FSTL4: variants seen among roughly 807,000 people sequenced by gnomAD.
FSTL4 encodes the protein follistatin like 4.
A neutral mutation model predicts 78.2 loss-of-function variants in FSTL4; 28 were observed. The observed-to-expected ratio is 0.36, with a 90% CI of 0.27 to 0.49. FSTL4 has a LOEUF of 0.49. FSTL4 is among the 20% of genes least tolerant of loss of function. The pLI is 0.98. For missense variants in FSTL4, 922 were observed against 1,084.9 expected, an observed-to-expected ratio of 0.85 and a Z score of 2.11; for synonymous variants, 422 against 440.5, an observed-to-expected ratio of 0.96 and a Z score of 0.53.
chr5:133,570,079 G>A (rs1320174971), intron 2 of FSTL4, among the ~76,000 whole-genome samples: 2 of 151,596 alleles, frequency 1.3e-5, no homozygotes, highest in Admixed American at 6.6e-5. Flanking sequence ...CGTGGTGGTG[G>A]GCGCCTGTAG....
the FSTL4 span, among the ~76,000 whole-genome samples, chr5:133,827,935 G>A: frequency 8.5e-5 from 13 of 152,272 alleles, no homozygotes; most frequent in East Asian, 2.5e-3. Flanking sequence ...AGCCCCCTGG[G>A]CAGGAGAGAG....
chr5:133,481,412 C>A (rs572208569), intron 3 of FSTL4, among the ~76,000 whole-genome samples: 2 of 151,914 alleles, frequency 1.3e-5, no homozygotes, highest in African/African-American at 2.4e-5. Context: ...CATGGTGGCA[C>A]ACACCTATAG....
intron 4 of FSTL4, among the ~76,000 whole-genome samples, chr5:133,356,118 A>G (rs1754940471): frequency 6.6e-6 from 1 of 152,272 alleles, no homozygotes; most frequent in Non-Finnish European, 1.5e-5. Context: ...CTGTGCTGTA[A>G]GAAGTCCTGA....
chr5:133,382,701 A>G (rs1755602266), intron 4 of FSTL4, among the ~76,000 whole-genome samples: 1 of 152,128 alleles, frequency 6.6e-6, no homozygotes. Context: ...GACTGTCTCA[A>G]CTCTGCTAGG....
intron 3 of FSTL4, among the ~76,000 whole-genome samples, chr5:133,485,934 A>G (rs568000065): frequency 6.6e-6 from 1 of 152,238 alleles, no homozygotes; most frequent in East Asian, 1.9e-4. Flanking sequence ...GCAAATCCCA[A>G]TTTTCTCCAG....
the FSTL4 span, among the ~76,000 whole-genome samples, chr5:133,711,085 G>A: frequency 6.6e-6 from 1 of 152,206 alleles, no homozygotes; most frequent in Non-Finnish European, 1.5e-5. Context: ...TTCTCAGTCA[G>A]AGAATTTAAG....
At chr5:133,629,622 G>A in the FSTL4 span, among the ~76,000 whole-genome samples, 1 of 152,176 alleles carries the variant, frequency 6.6e-6, no homozygotes, top group Non-Finnish European at 1.5e-5. Context: ...TAGAAATAGA[G>A]GGACTCTTCC....
chr5:133,310,868 G>A lies in FSTL4; in HGVS notation c.727+1786C>T, dbSNP rs151307412. ...TTCCTGTAACCTGCCCTAGCTGCTC[G>A]AGCCTACTGTTGTTCATGTTCCATG... On this transcript the variant is annotated intron_variant, in intron 6 of 15. Coordinates refer to ENST00000265342, the MANE Select transcript of FSTL4 (RefSeq NM_015082.2). Among the ~76,000 whole-genome samples the A allele has an allele frequency of 4.2e-3, 632 of 152,234 alleles. 5 individuals are homozygous for A. Among genetic ancestry groups the A allele is most frequent in the African/African-American group, 0.015 (603 of 41,534 alleles).
At chr5:133,655,802 C>CT in the FSTL4 span, among the ~76,000 whole-genome samples, 1 of 152,156 alleles carries the variant, frequency 6.6e-6, no homozygotes, top group Non-Finnish European at 1.5e-5. Flanking sequence ...TTATGGAGTG[C>CT]TTACCTCATG....
chr5:133,541,754 C>G (rs963604810), intron 3 of FSTL4, among the ~76,000 whole-genome samples: 1 of 152,094 alleles, frequency 6.6e-6, no homozygotes, highest in African/African-American at 2.4e-5. Flanking sequence ...CTTTATTTTT[C>G]TGACACCAAA....
chr5:133,804,745 C>G, the FSTL4 span, among the ~76,000 whole-genome samples: 1 of 151,850 alleles, frequency 6.6e-6, no homozygotes, highest in East Asian at 1.9e-4. Flanking sequence ...GAGATCGAGA[C>G]CATCCTGGTT....
At chr5:133,201,702 C>A (rs1040714454) in intron 15 of FSTL4, among the ~76,000 whole-genome samples, 1 of 152,324 alleles carries the variant, frequency 6.6e-6, no homozygotes, top group Middle Eastern at 3.4e-3. Flanking sequence ...CCACTGAGGG[C>A]ATTAGGAGCT....
chr5:133,224,160 G>A (rs773804113), intron 11 of FSTL4, 30 bp downstream of exon 11: 33 of 1,597,326 alleles, frequency 2.1e-5, no homozygotes, highest in Admixed American at 3.3e-5. Context: ...CGTGATCACA[G>A]GCATGACGCA....
At chr5:133,275,707 C>A (rs1243000799) in intron 6 of FSTL4, 1 of 152,144 alleles carries the variant, frequency 6.6e-6, no homozygotes, top group African/African-American at 2.4e-5. Flanking sequence ...ATTCTCGTAA[C>A]AAAATACATA....
At chr5:133,238,280 C>T (rs187572210) in intron 7 of FSTL4, among the ~76,000 whole-genome samples, 10 of 152,296 alleles carry the variant, frequency 6.6e-5, no homozygotes, top group Admixed American at 2.0e-4. Context: ...AGAGCTTTTC[C>T]GACATTGCCC....
At chr5:133,698,545 T>C in the FSTL4 span, among the ~76,000 whole-genome samples, 3 of 152,248 alleles carry the variant, frequency 2.0e-5, no homozygotes, top group African/African-American at 7.2e-5. Flanking sequence ...TAATGCATGA[T>C]GATTACGTGC....
At chr5:133,395,116 C>T (rs560827052) in intron 4 of FSTL4, among the ~76,000 whole-genome samples, 7 of 152,214 alleles carry the variant, frequency 4.6e-5, no homozygotes, top group Non-Finnish European at 8.8e-5. Flanking sequence ...ATCAGCAGGA[C>T]GTGGGTGGGG....
chr5:133,835,659 C>T, the FSTL4 span, among the ~76,000 whole-genome samples: 2 of 152,062 alleles, frequency 1.3e-5, no homozygotes, highest in African/African-American at 4.8e-5. Context: ...AAATGCCTGC[C>T]CTGCTATTAT....
the FSTL4 span, among the ~76,000 whole-genome samples, chr5:133,656,600 A>G: frequency 1.8e-3 from 279 of 152,192 alleles, 1 homozygote; most frequent in Middle Eastern, 0.01. Flanking sequence ...GTCTCACAGG[A>G]GAGAACAGGC....
Sources: allele counts gnomAD v4.1 joint callset (sites outside exome capture counted in the v4.1 genomes callset), GRCh38; gene constraint gnomAD v4.1.1; transcripts MANE v1.5; gene names NCBI Gene and HGNC (gene_info 2026-07-23, HGNC 2026-07-21).